The following TEX15 variants were observed in gnomAD, a reference collection of about 807,000 sequenced individuals.
TEX15 encodes the protein testis-expressed protein 15.
Under a neutral mutation model 237.3 loss-of-function variants are expected in TEX15, and 171 were observed. That is an observed-to-expected ratio of 0.72 (90% CI 0.64 to 0.82). The LOEUF (loss-of-function observed/expected upper bound fraction) is 0.82, where lower values mean the gene tolerates loss of function less well. Ranked by LOEUF, TEX15 falls within the 40% of genes least tolerant of loss-of-function variation. The probability of loss-of-function intolerance (pLI) is 0.00; values close to 1 mark genes in which losing one functional copy is unlikely to be tolerated. For synonymous variants in TEX15, 1,338 were observed against 1,269.8 expected, an observed-to-expected ratio of 1.05 and a Z score of -1.14; for missense variants, 3,750 against 3,646.5, an observed-to-expected ratio of 1.03 and a Z score of -0.73.
intron 4 of TEX15, among the ~76,000 whole-genome samples, chr8:30,868,432 A>C (rs1366709577): frequency 6.6e-6 from 1 of 152,052 alleles, no homozygotes; most frequent in Non-Finnish European, 1.5e-5. Flanking sequence ...AGAACCCAGC[A>C]AAGGAATGTA....
At chr8:30,906,453 G>T (rs904140973) in intron 1 of TEX15, among the ~76,000 whole-genome samples, 2 of 151,964 alleles carry the variant, frequency 1.3e-5, no homozygotes, top group Non-Finnish European at 1.5e-5. Flanking sequence ...AGCCTGGTGT[G>T]GTGGCAGGCA....
At chr8:30,862,893 CT>C (rs1481146483) in intron 5 of TEX15, among the ~76,000 whole-genome samples, 1 of 151,916 alleles carries the variant, frequency 6.6e-6, no homozygotes, top group Admixed American at 6.6e-5. Context: ...TTTTGAATAC[CT>C]TTTAGAATTT....
intron 3 of TEX15, 118 bp downstream of exon 3, chr8:30,887,049 T>C: frequency 3.4e-6 from 3 of 876,916 alleles, no homozygotes; most frequent in Non-Finnish European, 5.0e-6. Context: ...GTTTAAGGAA[T>C]TAGAGACCTG....
At chr8:30,864,104 T>C (rs1303431672) in intron 5 of TEX15, among the ~76,000 whole-genome samples, 2 of 151,670 alleles carry the variant, frequency 1.3e-5, no homozygotes, top group Non-Finnish European at 2.9e-5. Context: ...AATGGAAATA[T>C]CAATAAAGAG....
chr8:30,852,100 CTTTTTTTTTT>C (rs910989172), intron 7 of TEX15, among the ~76,000 whole-genome samples: 10 of 90,424 alleles, frequency 1.1e-4, no homozygotes, highest in East Asian at 3.1e-4. Flanking sequence ...TTAATTTAAT[CTTTTTTTTTT>C]TTTTTTTTTT....
rs1416573916 is a variant in TEX15, at chr8:30,848,302, T to C, written c.1865A>G (p.Lys622Arg). ...ACTGTCTTCCAGGTCAGCGAAGTTT[T>C]TCATCTTTCCAGTATTTTGAAGGTA... ...DEYLQNTGKM[K>R]NFADLEDSSK... Residue 622 changes from lysine (K) to arginine (R), a missense_variant, in exon 8 of 11, where the codon AAA becomes AGA. Transcript: ENST00000643185. 6.2e-7 allele frequency: 1 copy of C among 1,613,076 alleles called. No individual in the cohort carries two copies. The highest frequency in any genetic ancestry group is 8.5e-7 in the Non-Finnish European group (1 of 1,179,810).
intron 7 of TEX15, among the ~76,000 whole-genome samples, chr8:30,849,537 TTAA>T (rs1240369567): frequency 2.0e-5 from 3 of 151,990 alleles, no homozygotes; most frequent in African/African-American, 7.3e-5. Flanking sequence ...TCTAGAAACC[TTAA>T]TAAAGAGTAT....
chr8:30,837,710 C>T lies in TEX15; in HGVS notation c.8574G>A (p.Thr2858=), dbSNP rs2720593. The T allele has an allele frequency of 1, 1,607,437 of 1,614,084 alleles. 800,623 individuals carry two copies. Among genetic ancestry groups the T allele is most frequent in the East Asian group, 1 (44,878 of 44,878 alleles). ...VHGTFSPDHG[T]LLQKFLKNSP... ...AATTTTTAAGAAATTTCTGCAAAAG[C>T]GTCCCATGGTCTGGTGAAAATGTGC... Residue 2858 remains threonine (T), a synonymous_variant, in exon 10 of 11, where the codon ACG becomes ACA. Coordinates refer to ENST00000643185, the MANE Select transcript of TEX15 (RefSeq NM_001350162.2).
intron 3 of TEX15, among the ~76,000 whole-genome samples, chr8:30,876,593 C>T (rs1020242264): frequency 3.9e-5 from 6 of 152,224 alleles, no homozygotes; most frequent in African/African-American, 1.4e-4. Flanking sequence ...CAAGTTTCTT[C>T]CTCCTCTCCC....
intron 4 of TEX15, among the ~76,000 whole-genome samples, chr8:30,873,158 A>G (rs1808329006): frequency 6.6e-6 from 1 of 152,200 alleles, no homozygotes; most frequent in South Asian, 2.1e-4. Context: ...AGTTCCACTT[A>G]CTAGGCAGAA....
chr8:30,866,502 T>A (rs1196828029), intron 5 of TEX15, among the ~76,000 whole-genome samples: 1 of 152,126 alleles, frequency 6.6e-6, no homozygotes, highest in Admixed American at 6.6e-5. Flanking sequence ...TCATAACAAC[T>A]AAGCACACTT....
intron 7 of TEX15, among the ~76,000 whole-genome samples, chr8:30,857,668 C>T (rs569942464): frequency 1.3e-5 from 2 of 152,194 alleles, no homozygotes; most frequent in East Asian, 3.9e-4. Flanking sequence ...CAAAAAAGAA[C>T]CTAACTTACT....
intron 2 of TEX15, among the ~76,000 whole-genome samples, chr8:30,891,153 T>C (rs1021611948): frequency 6.6e-6 from 1 of 151,910 alleles, no homozygotes; most frequent in Non-Finnish European, 1.5e-5. Flanking sequence ...AAGCGATCAA[T>C]AAATGCCTTG....
chr8:30,838,039 T>A lies in TEX15; in HGVS notation c.8245A>T (p.Ser2749Cys), dbSNP rs1428509934. 6.2e-7 allele frequency: 1 copy of A among 1,612,174 alleles called. No homozygotes were observed. Among genetic ancestry groups the A allele is most frequent in the African/African-American group, 1.3e-5 (1 of 74,740 alleles). Residue 2749 changes from serine to cysteine, a missense_variant, in exon 10 of 11, where the codon AGC (serine) becomes TGC (cysteine). By Grantham distance (112) the Ser-to-Cys change is moderately radical. Coordinates refer to ENST00000643185, the MANE Select transcript of TEX15 (RefSeq NM_001350162.2). ...GAACTTGGTACTATTTTGTTTTCGC[T>A]TTTGGGATGAGATCCTGTAGTCCTA... ...HPRTTGSHPK[S>C]ENKIVPSSCD... is the part of the protein sequence containing the mutation.
intron 7 of TEX15, among the ~76,000 whole-genome samples, chr8:30,853,872 G>C (rs1016939589): frequency 1.3e-5 from 2 of 151,764 alleles, no homozygotes; most frequent in Non-Finnish European, 2.9e-5. Flanking sequence ...TTGGAAATTT[G>C]CAAATACATA....
chr8:30,886,703 C>T (rs527368495), intron 3 of TEX15, among the ~76,000 whole-genome samples: 5 of 152,302 alleles, frequency 3.3e-5, no homozygotes, highest in Non-Finnish European at 7.3e-5. Flanking sequence ...TAATGTCAAA[C>T]AGGTTTCCAA....
chr8:30,883,182 C>G (rs1389392002), intron 3 of TEX15, among the ~76,000 whole-genome samples: 1 of 152,008 alleles, frequency 6.6e-6, no homozygotes, highest in Non-Finnish European at 1.5e-5. Flanking sequence ...GTGATCATAG[C>G]TCACTGCAGC....
rs183391297 is a variant in TEX15, at chr8:30,896,497, C to T, written c.-10+2245G>A. On this transcript the variant is annotated intron_variant, in intron 2 of 10. Transcript: ENST00000643185. ...CAGAGACAAAGGCTTATAGCAACTA[C>T]GTTAATAATTCCAGTAGTTACCTCA... Among the ~76,000 whole-genome samples the T allele has an allele frequency of 2.2e-3, 340 of 151,710 alleles. 1 individual carries two copies. The highest frequency in any genetic ancestry group is 3.6e-3 in the Non-Finnish European group (244 of 67,966).
chr8:30,895,708 G>T (rs2128777938), intron 2 of TEX15, among the ~76,000 whole-genome samples: 1 of 81,078 alleles, frequency 1.2e-5, no homozygotes. Context: ...TTTGAGCAGA[G>T]TCTCACTGTG....
Sources: gnomAD v4.1 joint callset for allele counts (sites outside exome capture counted in the v4.1 genomes callset) on GRCh38, gnomAD v4.1.1 for gene constraint, MANE v1.5 for transcripts, NCBI Gene and HGNC (gene_info 2026-07-23, HGNC 2026-07-21) for gene names.